The following BCL2L1 variants were observed in gnomAD, a reference collection of about 807,000 sequenced individuals.
BCL2L1 encodes BCL2 like 1.
A neutral mutation model predicts 18.7 loss-of-function variants in BCL2L1; 1 was observed. The ratio of observed to expected loss-of-function variants is 0.05; its 90% CI spans 0.02 to 0.25. The LOEUF is 0.25. BCL2L1 is among the 10% of genes least tolerant of loss of function. The probability of loss-of-function intolerance (pLI) is 1.00; values close to 1 mark genes in which losing one functional copy is unlikely to be tolerated. For synonymous variants in BCL2L1, 103 were observed against 122.7 expected, an observed-to-expected ratio of 0.84 and a Z score of 1.06; for missense variants, 207 against 304.9, an observed-to-expected ratio of 0.68 and a Z score of 2.39.
intron 2 of BCL2L1, among the ~76,000 whole-genome samples, chr20:31,697,981 G>A (rs1336736777): frequency 1.4e-5 from 2 of 145,520 alleles, no homozygotes; most frequent in Non-Finnish European, 3.0e-5. Context: ...TCCACCTCCC[G>A]GGCTCAAGCA....
intron 2 of BCL2L1, among the ~76,000 whole-genome samples, chr20:31,697,050 CAAAAAAA>C (rs1161266730): frequency 3.3e-4 from 25 of 76,868 alleles, no homozygotes; most frequent in Admixed American, 9.4e-4. Context: ...GACTCTATCT[CAAAAAAA>C]AAAAAAAAAA....
In BCL2L1 at chr20:31,664,629, C is replaced by T. The variant is rs2060557882; in HGVS notation, c.*1320G>A. 1 of 213,832 alleles carries T rather than the reference C, an allele frequency of 4.7e-6. No individual in the cohort carries two copies. The highest frequency in any genetic ancestry group is 9.5e-6 in the Non-Finnish European group (1 of 105,306). 13.2% of individuals were successfully genotyped at this position (213,832 alleles called of 1,614,324 possible). ...CAGGGCAGGGGAGGGAGCATCAGGC[C>T]GTCCAATCTCCGGGCACCAGCTCTC... On this transcript the variant is annotated 3_prime_UTR_variant, in exon 3 of 3. Coordinates refer to ENST00000307677, the MANE Select transcript of BCL2L1 (RefSeq NM_138578.3).
intron 2 of BCL2L1, among the ~76,000 whole-genome samples, chr20:31,694,220 G>A (rs554876463): frequency 6.6e-6 from 1 of 152,124 alleles, no homozygotes; most frequent in Non-Finnish European, 1.5e-5. Flanking sequence ...GAGAGGCTGG[G>A]CCCAGTCAGA....
chr20:31,700,508 T>G (rs139821764), intron 2 of BCL2L1, among the ~76,000 whole-genome samples: 3 of 152,312 alleles, frequency 2.0e-5, no homozygotes, highest in East Asian at 3.9e-4. Context: ...TTTTTGGCTT[T>G]ATTACCTAAT....
chr20:31,721,115 T>C (rs532031885), intron 2 of BCL2L1, among the ~76,000 whole-genome samples: 1 of 152,350 alleles, frequency 6.6e-6, no homozygotes, highest in East Asian at 1.9e-4. Flanking sequence ...AACTCCTGCC[T>C]ATGGCCATGC....
At chr20:31,675,482 G>A (rs1275040447) in intron 2 of BCL2L1, among the ~76,000 whole-genome samples, 1 of 152,184 alleles carries the variant, frequency 6.6e-6, no homozygotes, top group Non-Finnish European at 1.5e-5. Context: ...TCTTTTGGCA[G>A]GGAGTTGCAG....
chr20:31,713,390 A>C, intron 2 of BCL2L1: 1 of 985,386 alleles, frequency 1.0e-6, no homozygotes, highest in South Asian at 4.7e-5. Flanking sequence ...CAAAAAAAGT[A>C]GTTTTTGGGG....
intron 2 of BCL2L1, among the ~76,000 whole-genome samples, chr20:31,673,601 G>A (rs2060709600): frequency 6.6e-6 from 1 of 152,036 alleles, no homozygotes; most frequent in Admixed American, 6.6e-5. Flanking sequence ...ATTGAATCAT[G>A]TTTGGGGCCA....
At chr20:31,715,658 T>C (rs1288270617) in intron 2 of BCL2L1, among the ~76,000 whole-genome samples, 1 of 152,172 alleles carries the variant, frequency 6.6e-6, no homozygotes, top group African/African-American at 2.4e-5. Context: ...CCCAAAAATA[T>C]ACTTCTTTGG....
intron 2 of BCL2L1, among the ~76,000 whole-genome samples, chr20:31,679,626 G>A (rs2060823645): frequency 6.6e-6 from 1 of 152,178 alleles, no homozygotes; most frequent in African/African-American, 2.4e-5. Flanking sequence ...TAAGCGTTCT[G>A]TAAATGTTAG....
chr20:31,717,509 C>T (rs2061555256), intron 2 of BCL2L1, among the ~76,000 whole-genome samples: 1 of 152,176 alleles, frequency 6.6e-6, no homozygotes, highest in Admixed American at 6.5e-5. Context: ...TTAAGAGCAA[C>T]CTCAAATGTA....
At chr20:31,723,782 C>A (rs1241334461), upstream of BCL2L1, 1 of 985,344 alleles carries the variant, frequency 1.0e-6, no homozygotes, top group African/African-American at 1.7e-5. Context: ...TTCATCGGCC[C>A]GGTAGCTTCC....
intron 2 of BCL2L1, among the ~76,000 whole-genome samples, chr20:31,699,932 C>A (rs1213877912): frequency 6.6e-6 from 1 of 152,184 alleles, no homozygotes; most frequent in Non-Finnish European, 1.5e-5. Flanking sequence ...TCACCTCCAT[C>A]TATAACACAA....
intron 2 of BCL2L1, among the ~76,000 whole-genome samples, chr20:31,702,174 T>C (rs1014354124): frequency 6.6e-6 from 1 of 152,180 alleles, no homozygotes; most frequent in Admixed American, 6.5e-5. Flanking sequence ...GGGCAGAACA[T>C]TTCAGGCAGA....
In BCL2L1 at chr20:31,711,513, T is replaced by C. The variant is rs144257271; in HGVS notation, c.564+10142A>G. Among the ~76,000 whole-genome samples, 15 of 152,284 alleles carry C rather than the reference T, an allele frequency of 9.9e-5. No individual in the cohort carries two copies. In the East Asian group the frequency reaches 1.9e-3, roughly 20 times the overall value. On this transcript the variant is annotated intron_variant, in intron 2 of 2. Coordinates refer to ENST00000307677, the MANE Select transcript of BCL2L1 (RefSeq NM_138578.3). Reference sequence around the variant, plus strand: ...AGGTGTGGAGTATGGAAACAGACCATTGAGGGATGGGACTCAGTCTCAGTT... The same window carrying C: ...AGGTGTGGAGTATGGAAACAGACCACTGAGGGATGGGACTCAGTCTCAGTT...
At chr20:31,721,315 AGG>A (rs1312234796) in intron 2 of BCL2L1, among the ~76,000 whole-genome samples, 1 of 152,214 alleles carries the variant, frequency 6.6e-6, no homozygotes, top group South Asian at 2.1e-4. Context: ...CCATTGTATA[AGG>A]TAAGGGAAAC....
At chr20:31,706,002 G>C (rs1281969230) in intron 2 of BCL2L1, among the ~76,000 whole-genome samples, 1 of 152,096 alleles carries the variant, frequency 6.6e-6, no homozygotes, top group Non-Finnish European at 1.5e-5. Context: ...GGCTATTTCT[G>C]AGTGACTCCC....
At position 31,721,643 on chromosome 20, in the gene BCL2L1, C is replaced by T. The variant is rs1371303347; in HGVS notation, c.564+12G>A. The T allele has an allele frequency of 1.9e-6, 3 of 1,587,742 alleles. No individual in the cohort carries two copies. The highest frequency in any genetic ancestry group is 2.2e-5 in the East Asian group (1 of 44,594). ...CCAAAGAAAAGGGACACACAAGGGG[C>T]TTGGTTCTTACCCAGCCGCCGTTCT... On this transcript the variant is annotated intron_variant, in intron 2 of 2. Transcript: ENST00000307677.
At chr20:31,707,238 C>T (rs2061381332) in intron 2 of BCL2L1, among the ~76,000 whole-genome samples, 1 of 152,180 alleles carries the variant, frequency 6.6e-6, no homozygotes, top group Admixed American at 6.5e-5. Flanking sequence ...AGGCCCCAAG[C>T]TTCAGGTACC....
Sources: allele counts gnomAD v4.1 joint callset (sites outside exome capture counted in the v4.1 genomes callset), GRCh38; gene constraint gnomAD v4.1.1; transcripts MANE v1.5; gene names NCBI Gene and HGNC (gene_info 2026-07-23, HGNC 2026-07-21).